Variants in ZNF777 observed in about 807,000 individuals in gnomAD.
ZNF777 encodes zinc finger protein 777.
In ZNF777, 7 loss-of-function variants were observed where a neutral mutation model predicts 72.1. The ratio of observed to expected loss-of-function variants is 0.10; its 90% confidence interval spans 0.06 to 0.18. The LOEUF is 0.18. Among genes scored for constraint, ZNF777 ranks in the 10% least tolerant of loss-of-function variants. The pLI is 1.00. For missense variants in ZNF777, 828 were observed against 1,128.6 expected (o/e 0.73, Z 3.82); for synonymous variants, 545 against 483.5 (o/e 1.13, Z -1.67).
At chr7:149,451,230 G>A in intron 3 of ZNF777, 118 bp from the exon 4 acceptor site, 5 of 814,878 alleles carry the variant, frequency 6.1e-6, no homozygotes, top group Non-Finnish European at 9.8e-6. Context: ...GACCACAATG[G>A]AAAACCGCCA....
chr7:149,437,128 T>C (rs1344357845), intron 4 of ZNF777, among the ~76,000 whole-genome samples: 1 of 152,174 alleles, frequency 6.6e-6, no homozygotes, highest in African/African-American at 2.4e-5. Flanking sequence ...ATTTTTTCAA[T>C]AGAGAAAGGT....
At chr7:149,446,985 T>C (rs1475705542) in intron 4 of ZNF777, among the ~76,000 whole-genome samples, 2 of 152,222 alleles carry the variant, frequency 1.3e-5, no homozygotes, top group Non-Finnish European at 2.9e-5. Flanking sequence ...CATCCTTCTC[T>C]AGAAATACCC....
chr7:149,450,271 C>T (rs754283625), intron 4 of ZNF777, among the ~76,000 whole-genome samples: 1 of 152,178 alleles, frequency 6.6e-6, no homozygotes, highest in Non-Finnish European at 1.5e-5. Context: ...GAGCCACTGA[C>T]CCAGCTGCTG....
chr7:149,447,080 C>G (rs1799616686), intron 4 of ZNF777, among the ~76,000 whole-genome samples: 1 of 152,172 alleles, frequency 6.6e-6, no homozygotes, highest in Non-Finnish European at 1.5e-5. Context: ...TCTTTTTCCA[C>G]AACAGTGGTT....
At position 149,460,215 on chromosome 7, in the gene ZNF777, G is replaced by A. The variant is rs1015005389; in HGVS notation, c.-16+600C>T. ...ACTGCCGCCGCCGCTACTGCGCGCG[G>A]CCCCACGCAGGCCCGGCCGCCCGGC... is the stretch of plus-strand genomic sequence containing the variant. On this transcript the variant is annotated intron_variant, in intron 1 of 5. Transcript: ENST00000247930. The surrounding 1 kb of genome is among the most constrained non-coding windows in gnomAD (Gnocchi z 6.1). The A allele has an allele frequency of 1.0e-4, 55 of 543,048 alleles. No individual in the cohort carries two copies. In the South Asian group the frequency reaches 4.0e-3, roughly 39 times the overall value. The allele number at this position is 543,048 out of a possible 1,614,324, so 33.6% of individuals were successfully genotyped here.
chr7:149,431,490 C>T lies in ZNF777; in HGVS notation c.*286G>A. ...GAGTGGCCGGCGGCCAAATCACGCC[C>T]CCCGTGCTGATTGGTTTCATCCATT... On this transcript the variant is annotated 3_prime_UTR_variant, in exon 6 of 6. Transcript: ENST00000247930. The T allele has an allele frequency of 2.2e-6, 1 of 451,072 alleles. No individual in the cohort carries two copies. The highest frequency in any genetic ancestry group is 1.6e-5 in the South Asian group (1 of 63,256). 27.9% of individuals were successfully genotyped at this position (451,072 alleles called of 1,614,324 possible).
chr7:149,453,028 TG>T (rs1383037081), intron 3 of ZNF777, among the ~76,000 whole-genome samples: 2 of 152,234 alleles, frequency 1.3e-5, no homozygotes, highest in East Asian at 3.8e-4. Context: ...TGTGCTGACA[TG>T]GAACACTCTC....
At position 149,432,937 on chromosome 7, in the gene ZNF777, T is replaced by C; in HGVS notation, c.1340-5A>G. ...CTGTCTTGATCACGATCCCCTCTGC[T>C]CCAGGGACAGAGAGAGAAAGTCGTT... On this transcript the variant is annotated splice_region_variant and splice_polypyrimidine_tract_variant and intron_variant, in intron 5 of 5. Coordinates refer to ENST00000247930, the MANE Select transcript of ZNF777 (RefSeq NM_015694.3). 1 of 1,462,574 alleles carries C rather than the reference T, an allele frequency of 6.8e-7. No individual in the cohort carries two copies. The highest frequency in any genetic ancestry group is 1.4e-5 in the African/African-American group (1 of 70,374). The allele number at this position is 1,462,574 out of a possible 1,614,324, so 90.6% of individuals were successfully genotyped here. A position where few individuals can be genotyped will look rare whatever the true frequency, so the allele number is the denominator to read the frequency against.
chr7:149,458,941 G>A (rs948662449), intron 1 of ZNF777, among the ~76,000 whole-genome samples: 4 of 152,172 alleles, frequency 2.6e-5, no homozygotes, highest in African/African-American at 9.7e-5. Context: ...AGGAGTGGAT[G>A]GATTCTCCAG....
intron 4 of ZNF777, among the ~76,000 whole-genome samples, chr7:149,438,312 A>G (rs1799452375): frequency 6.6e-6 from 1 of 152,204 alleles, no homozygotes; most frequent in Admixed American, 6.5e-5. Flanking sequence ...ATCAATTTCT[A>G]CAGTGCTAAT....
intron 4 of ZNF777, among the ~76,000 whole-genome samples, chr7:149,447,598 C>G (rs909104261): frequency 6.6e-6 from 1 of 152,210 alleles, no homozygotes; most frequent in African/African-American, 2.4e-5. Flanking sequence ...CCACTTCTCT[C>G]TCAGGGCGAT....
Position 149,436,663 on chromosome 7 carries a change from C to T in ZNF777, c.1251G>A (p.Glu417=), listed in dbSNP as rs1222249704. 3.1e-6 allele frequency: 5 copies of T among 1,614,120 alleles called. No homozygotes were observed. The highest frequency in any genetic ancestry group is 2.2e-5 in the South Asian group (2 of 91,082). Residue 417 remains glutamate, a synonymous_variant, in exon 5 of 6, where the codon GAG becomes GAA. Coordinates refer to ENST00000247930, the MANE Select transcript of ZNF777 (RefSeq NM_015694.3). The surrounding 1 kb of genome is among the most constrained non-coding windows in gnomAD (Gnocchi z 5.0). ...CGEQPDLDMQ[E]PENTLEESTE... is the part of the protein sequence containing the mutation. ...TGGACTCCTCCAGCGTGTTCTCTGG[C>T]TCCTGCATGTCCAGGTCTGGCTGTT...
At chr7:149,435,289 G>A (rs1459308894) in intron 5 of ZNF777, among the ~76,000 whole-genome samples, 4 of 152,096 alleles carry the variant, frequency 2.6e-5, no homozygotes, top group African/African-American at 9.7e-5. Context: ...TCCCACCTCA[G>A]CCTCCCAAGG....
intron 5 of ZNF777, among the ~76,000 whole-genome samples, 175 bp from the exon 6 acceptor site, chr7:149,433,107 G>A (rs975254803): frequency 6.6e-6 from 1 of 152,170 alleles, no homozygotes; most frequent in African/African-American, 2.4e-5. Context: ...CTCCCCCAAC[G>A]GGGTAGACGC....
At chr7:149,448,331 G>A (rs910987030) in intron 4 of ZNF777, among the ~76,000 whole-genome samples, 64 of 151,268 alleles carry the variant, frequency 4.2e-4, no homozygotes, top group African/African-American at 1.4e-3. Flanking sequence ...TTAGCTGGGC[G>A]TGGTGGCACA....
chr7:149,453,027 A>G (rs1799754036), intron 3 of ZNF777, among the ~76,000 whole-genome samples: 1 of 152,244 alleles, frequency 6.6e-6, no homozygotes, highest in African/African-American at 2.4e-5. Context: ...GTGTGCTGAC[A>G]TGGAACACTC....
In ZNF777 at chr7:149,456,929, G is replaced by T. The variant is rs146722237; in HGVS notation, c.-15-892C>A. On this transcript the variant is annotated intron_variant, in intron 1 of 5. Transcript: ENST00000247930. ...GAGCGAGACATCGAGGCAGGTGAAG[G>T]CAGGCAATTCAACCACTCCTAGGAG... 1.8e-3 allele frequency among the ~76,000 whole-genome samples: 268 copies of T among 152,324 alleles called. 1 individual carries two copies. The highest frequency in any genetic ancestry group is 6.3e-3 in the African/African-American group (263 of 41,568).
At position 149,455,656 on chromosome 7, in the gene ZNF777, G is replaced by C; in HGVS notation, c.367C>G (p.His123Asp). ...GAGTGAACGGGGGCTTCCTGGTGGT[G>C]GGGGGAGTGGGAGAGAAGGGAGACT... ...QEVSLLSHSP[H>D]HQEAPVHSPE... is the part of the protein sequence containing the mutation. The change falls in exon 2 of 6, where the codon CAC becomes GAC. Residue 123 changes from histidine (H) to aspartate (D), a missense_variant. By Grantham distance (81) the His-to-Asp change is moderately conservative. Transcript: ENST00000247930. The surrounding 1 kb of genome is among the most constrained non-coding windows in gnomAD (Gnocchi z 4.2). 6.4e-7 allele frequency: 1 copy of C among 1,564,852 alleles called. No individual in the cohort carries two copies. The highest frequency in any genetic ancestry group is 8.7e-7 in the Non-Finnish European group (1 of 1,155,548).
At chr7:149,459,836 G>T (rs543275034) in intron 1 of ZNF777, 2 of 984,476 alleles carry the variant, frequency 2.0e-6, no homozygotes, top group South Asian at 4.7e-5. Context: ...CGCGGGCCCC[G>T]CAGGGAGCGA....
Sources: allele counts gnomAD v4.1 joint callset (sites outside exome capture counted in the v4.1 genomes callset), GRCh38; gene constraint gnomAD v4.1.1; non-coding constraint Gnocchi (gnomAD v3.1); transcripts MANE v1.5; gene names NCBI Gene and HGNC (gene_info 2026-07-23, HGNC 2026-07-21).